The following B4GALT6 variants were observed in gnomAD, a reference collection of about 807,000 sequenced individuals.
B4GALT6 encodes the protein beta-1,4-galactosyltransferase 6, also known as UDP-Gal:beta-GlcNAc beta-1,4-galactosyltransferase 6.
In B4GALT6, 14 loss-of-function variants were observed where a neutral mutation model predicts 46.3. The ratio of observed to expected loss-of-function variants is 0.30; its 90% CI spans 0.20 to 0.47. The LOEUF is 0.47. Ranked by LOEUF, B4GALT6 falls within the 20% of genes least tolerant of loss-of-function variation. B4GALT6 has a pLI of 0.99. For missense variants in B4GALT6, 386 were observed against 480.1 expected (o/e 0.80, Z 1.83); for synonymous variants, 168 against 162.0 (o/e 1.04, Z -0.28).
intron 4 of B4GALT6, among the ~76,000 whole-genome samples, 176 bp from the exon 5 acceptor site, chr18:31,638,936 T>C (rs1469528326): frequency 6.6e-6 from 1 of 152,210 alleles, no homozygotes; most frequent in Non-Finnish European, 1.5e-5. Flanking sequence ...CATGCTGCTA[T>C]GGTCTTATAA....
chr18:31,666,434 A>G, intron 1 of B4GALT6, 62 bp from the exon 2 acceptor site: 1 of 740,444 alleles, frequency 1.4e-6, no homozygotes, highest in Non-Finnish European at 2.1e-6. Context: ...ATTTAATAAA[A>G]TAATATTCAG....
At chr18:31,636,265 C>A (rs373614523) in intron 5 of B4GALT6, among the ~76,000 whole-genome samples, 4 of 152,040 alleles carry the variant, frequency 2.6e-5, no homozygotes, top group Non-Finnish European at 5.9e-5. Context: ...GCTATAAAAA[C>A]AAAAATCAAT....
chr18:31,633,964 A>C (rs937194430), intron 5 of B4GALT6, among the ~76,000 whole-genome samples: 6 of 152,204 alleles, frequency 3.9e-5, no homozygotes, highest in African/African-American at 1.4e-4. Flanking sequence ...TGAATAAATG[A>C]AACCGGGCTG....
the B4GALT6 span, among the ~76,000 whole-genome samples, chr18:31,700,880 C>T: frequency 6.6e-6 from 1 of 152,088 alleles, no homozygotes; most frequent in Admixed American, 6.5e-5. Flanking sequence ...CACCCATTTG[C>T]AGCAATCAAT....
At chr18:31,713,946 T>C in the B4GALT6 span, among the ~76,000 whole-genome samples, 5 of 152,338 alleles carry the variant, frequency 3.3e-5, no homozygotes, top group African/African-American at 9.6e-5. Context: ...TTGAAATCTC[T>C]CAATTATTAA....
intron 2 of B4GALT6, among the ~76,000 whole-genome samples, chr18:31,662,733 T>C (rs1300432423): frequency 1.3e-5 from 2 of 151,964 alleles, no homozygotes; most frequent in Admixed American, 6.6e-5. Context: ...CCCACCTACT[T>C]GGGAGGTGGA....
intron 4 of B4GALT6, among the ~76,000 whole-genome samples, chr18:31,639,027 T>C (rs1455152079): frequency 6.6e-6 from 1 of 151,988 alleles, no homozygotes; most frequent in Non-Finnish European, 1.5e-5. Flanking sequence ...AAATTGAGAG[T>C]GATAAATCAG....
chr18:31,660,446 T>G (rs2074199292), intron 2 of B4GALT6, among the ~76,000 whole-genome samples: 1 of 152,132 alleles, frequency 6.6e-6, no homozygotes, highest in Non-Finnish European at 1.5e-5. Context: ...ATGAGTTTTG[T>G]GACAGTGTCT....
At chr18:31,649,011 T>G (rs1273106243) in intron 3 of B4GALT6, among the ~76,000 whole-genome samples, 2 of 152,152 alleles carry the variant, frequency 1.3e-5, no homozygotes, top group Non-Finnish European at 2.9e-5. Flanking sequence ...GACCTGAATT[T>G]CCCCTAGAAA....
At chr18:31,660,284 A>G (rs903936418) in intron 2 of B4GALT6, among the ~76,000 whole-genome samples, 5 of 152,018 alleles carry the variant, frequency 3.3e-5, no homozygotes, top group African/African-American at 4.8e-5. Context: ...ATATATACCA[A>G]AATTCTTGTT....
At chr18:31,638,803 C>A (rs2073895215) in intron 4 of B4GALT6, 43 bp from the exon 5 acceptor site, 6 of 1,447,766 alleles carry the variant, frequency 4.1e-6, no homozygotes, top group African/African-American at 1.4e-5. Context: ...ATATATCTAC[C>A]ACATCCTAGA....
At chr18:31,723,686 C>T in the B4GALT6 span, among the ~76,000 whole-genome samples, 1 of 152,112 alleles carries the variant, frequency 6.6e-6, no homozygotes, top group Non-Finnish European at 1.5e-5. Context: ...AATTAATTAC[C>T]AAACATGCAA....
At chr18:31,655,430 G>A (rs1316473176) in intron 3 of B4GALT6, among the ~76,000 whole-genome samples, 1 of 152,166 alleles carries the variant, frequency 6.6e-6, no homozygotes, top group African/African-American at 2.4e-5. Context: ...AGGATCCCAG[G>A]GAAGCAGAGA....
the B4GALT6 span, among the ~76,000 whole-genome samples, chr18:31,700,697 C>T: frequency 2.2e-3 from 329 of 152,242 alleles, 1 homozygote; most frequent in African/African-American, 7.5e-3. Flanking sequence ...ATCTCGTGAT[C>T]TGCATGCCTC....
At chr18:31,710,545 C>T in the B4GALT6 span, among the ~76,000 whole-genome samples, 1 of 152,048 alleles carries the variant, frequency 6.6e-6, no homozygotes, top group East Asian at 1.9e-4. Context: ...CACTACAAGC[C>T]AAGCAGTGCC....
intron 2 of B4GALT6, among the ~76,000 whole-genome samples, chr18:31,659,079 G>T (rs916831730): frequency 6.6e-6 from 1 of 152,184 alleles, no homozygotes; most frequent in Non-Finnish European, 1.5e-5. Flanking sequence ...TGCAATGAGT[G>T]AAATGAGAGA....
chr18:31,628,243 C>CTTGGGAGCT (rs770037463), intron 6 of B4GALT6, among the ~76,000 whole-genome samples: 2 of 152,212 alleles, frequency 1.3e-5, no homozygotes, highest in Non-Finnish European at 2.9e-5. Context: ...AAGGCTCACA[C>CTTGGGAGCT]TTGGGAGCTT....
intron 6 of B4GALT6, among the ~76,000 whole-genome samples, chr18:31,630,028 CAGGA>C (rs759122449): frequency 5.7e-4 from 71 of 125,536 alleles, no homozygotes; most frequent in African/African-American, 1.8e-3. Context: ...GAAGGAGAAG[CAGGA>C]AGGAAGGAAG....
At chr18:31,643,728 AAAAC>A (rs1181586503) in intron 4 of B4GALT6, among the ~76,000 whole-genome samples, 6 of 152,222 alleles carry the variant, frequency 3.9e-5, no homozygotes, top group African/African-American at 1.4e-4. Context: ...AAATGAGAAG[AAAAC>A]AAACAAAAAA....
Sources: allele counts gnomAD v4.1 joint callset (sites outside exome capture counted in the v4.1 genomes callset), GRCh38; gene constraint gnomAD v4.1.1; transcripts MANE v1.5; gene names NCBI Gene and HGNC (gene_info 2026-07-23, HGNC 2026-07-21).